Variants in RASAL2 observed in about 807,000 individuals in gnomAD.
The protein encoded by RASAL2 is RAS protein activator like 2.
Under a neutral mutation model 128.9 loss-of-function variants are expected in RASAL2, and 58 were observed. That is an observed-to-expected ratio of 0.45 (90% CI 0.36 to 0.56). The LOEUF is 0.56. Ranked by LOEUF, RASAL2 falls within the 20% of genes least tolerant of loss-of-function variation. The probability of loss-of-function intolerance (pLI) is 0.00; values close to 1 mark genes in which losing one functional copy is unlikely to be tolerated. For synonymous variants in RASAL2, 561 were observed against 580.8 expected (o/e 0.97, Z 0.49); for missense variants, 1,360 against 1,601.6 (o/e 0.85, Z 2.57).
At chr1:178,464,443 G>C in intron 15 of RASAL2, 31 bp downstream of exon 15, 1 of 1,606,416 alleles carries the variant, frequency 6.2e-7, no homozygotes, top group Non-Finnish European at 8.5e-7. Context: ...TCAACTTTCT[G>C]ATCCCAAAAT....
At chr1:178,171,074 C>T (rs1661689188) in intron 1 of RASAL2, among the ~76,000 whole-genome samples, 2 of 151,920 alleles carry the variant, frequency 1.3e-5, no homozygotes, top group Non-Finnish European at 2.9e-5. Context: ...AGTCAGTAAA[C>T]TTATACACCA....
At chr1:178,365,916 G>A (rs1354076675) in intron 3 of RASAL2, among the ~76,000 whole-genome samples, 1 of 152,076 alleles carries the variant, frequency 6.6e-6, no homozygotes, top group East Asian at 1.9e-4. Flanking sequence ...AATTATACTT[G>A]CAATCAGTAC....
chr1:178,417,237 T>C (rs1674819778), intron 4 of RASAL2, among the ~76,000 whole-genome samples: 10 of 152,144 alleles, frequency 6.6e-5, no homozygotes, highest in Admixed American at 5.9e-4. Context: ...TCTATTGATA[T>C]ATCCTCATGC....
chr1:178,328,024 C>A (rs1206064661), intron 3 of RASAL2, among the ~76,000 whole-genome samples: 1 of 152,124 alleles, frequency 6.6e-6, no homozygotes, highest in Non-Finnish European at 1.5e-5. Flanking sequence ...GTGGCTCTGC[C>A]TATGCCTTGA....
chr1:178,230,272 CA>C (rs1162436538), intron 1 of RASAL2, among the ~76,000 whole-genome samples: 1 of 152,028 alleles, frequency 6.6e-6, no homozygotes, highest in East Asian at 1.9e-4. Flanking sequence ...CATTTAGGTA[CA>C]AGTATATATA....
At chr1:178,272,993 A>G (rs1401152239) in intron 1 of RASAL2, among the ~76,000 whole-genome samples, 1 of 152,078 alleles carries the variant, frequency 6.6e-6, no homozygotes, top group Non-Finnish European at 1.5e-5. Context: ...CCTTAAATTG[A>G]CTATCCAGAT....
chr1:178,098,709 T>G (rs1658783740), intron 1 of RASAL2, among the ~76,000 whole-genome samples: 1 of 152,206 alleles, frequency 6.6e-6, no homozygotes, highest in Non-Finnish European at 1.5e-5. Flanking sequence ...CTTGTACTTT[T>G]AAATTTTAAT....
At chr1:178,259,731 T>C (rs1026133006) in intron 1 of RASAL2, among the ~76,000 whole-genome samples, 6 of 152,124 alleles carry the variant, frequency 3.9e-5, no homozygotes, top group Non-Finnish European at 8.8e-5. Flanking sequence ...CCAGCTAATA[T>C]TTTAATTTTT....
At chr1:178,340,591 A>T (rs1669821271) in intron 3 of RASAL2, among the ~76,000 whole-genome samples, 1 of 152,174 alleles carries the variant, frequency 6.6e-6, no homozygotes, top group South Asian at 2.1e-4. Flanking sequence ...AATTGTTTTG[A>T]TTATTCTTTA....
At chr1:178,348,885 C>G (rs1007272081) in intron 3 of RASAL2, among the ~76,000 whole-genome samples, 15 of 151,176 alleles carry the variant, frequency 9.9e-5, no homozygotes, top group Non-Finnish European at 1.8e-4. Flanking sequence ...CTGCAAGCTC[C>G]GCCTCCTGGG....
intron 3 of RASAL2, among the ~76,000 whole-genome samples, chr1:178,357,531 G>C (rs1184120710): frequency 1.3e-5 from 2 of 151,816 alleles, no homozygotes; most frequent in Admixed American, 6.6e-5. Flanking sequence ...ATTCTAATTA[G>C]TTTTTCCTTT....
chr1:178,379,104 A>G (rs1222673839), intron 3 of RASAL2, among the ~76,000 whole-genome samples: 3 of 152,202 alleles, frequency 2.0e-5, no homozygotes, highest in African/African-American at 7.2e-5. Context: ...ACTATTATAA[A>G]AAAGACCTTT....
At chr1:178,192,513 A>C (rs1292319975) in intron 1 of RASAL2, among the ~76,000 whole-genome samples, 1 of 152,232 alleles carries the variant, frequency 6.6e-6, no homozygotes, top group African/African-American at 2.4e-5. Context: ...CAGCTGTTTT[A>C]GATGACACAT....
At chr1:178,341,404 T>C in intron 3 of RASAL2, 1 of 1,397,472 alleles carries the variant, frequency 7.2e-7, no homozygotes, top group Non-Finnish European at 9.3e-7. Flanking sequence ...GGGGGCGGGG[T>C]TGGGGCGAGG....
At chr1:178,116,235 G>T (rs570219435) in intron 1 of RASAL2, among the ~76,000 whole-genome samples, 1 of 151,944 alleles carries the variant, frequency 6.6e-6, no homozygotes, top group Non-Finnish European at 1.5e-5. Flanking sequence ...TATCTAACTT[G>T]TCGTATTCTT....
intron 12 of RASAL2, among the ~76,000 whole-genome samples, chr1:178,455,030 A>G (rs1677665756): frequency 6.6e-6 from 1 of 152,138 alleles, no homozygotes; most frequent in African/African-American, 2.4e-5. Flanking sequence ...TTAGCTAAGA[A>G]AATACTAGGT....
At chr1:178,385,106 A>G (rs1672487120) in intron 3 of RASAL2, among the ~76,000 whole-genome samples, 1 of 152,204 alleles carries the variant, frequency 6.6e-6, no homozygotes, top group South Asian at 2.1e-4. Flanking sequence ...CTCTTTCCAA[A>G]CATAATAACA....
intron 3 of RASAL2, among the ~76,000 whole-genome samples, chr1:178,309,135 A>G (rs1668124140): frequency 6.6e-6 from 1 of 152,160 alleles, no homozygotes; most frequent in African/African-American, 2.4e-5. Context: ...CTTTATGGTG[A>G]TATATTAATA....
intron 2 of RASAL2, 40 bp from the exon 3 acceptor site, chr1:178,299,952 G>A: frequency 6.2e-7 from 1 of 1,603,200 alleles, no homozygotes; most frequent in Non-Finnish European, 8.5e-7. Flanking sequence ...GTTATGGTGA[G>A]TTCACTATTA....
Sources: gnomAD v4.1 joint callset for allele counts (sites outside exome capture counted in the v4.1 genomes callset) on GRCh38, gnomAD v4.1.1 for gene constraint, MANE v1.5 for transcripts, NCBI Gene and HGNC (gene_info 2026-07-23, HGNC 2026-07-21) for gene names.